The following SLC38A12 variants were observed in gnomAD, a reference collection of about 807,000 sequenced individuals.
SLC38A12 encodes putative sodium-coupled neutral amino acid transporter 12.
chr17:74,794,982 C>A, the SLC38A12 span: 2 of 1,573,704 alleles, frequency 1.3e-6, no homozygotes, highest in African/African-American at 1.4e-5. Flanking sequence ...CTCTTTGTGG[C>A]TCCCTGACTG....
At chr17:74,834,667 G>A in the SLC38A12 span, among the ~76,000 whole-genome samples, 1 of 152,206 alleles carries the variant, frequency 6.6e-6, no homozygotes, top group South Asian at 2.1e-4. Context: ...CCAGACAGGA[G>A]CCACCGAGCT....
the SLC38A12 span, among the ~76,000 whole-genome samples, chr17:74,830,533 G>A: frequency 6.6e-6 from 1 of 152,318 alleles, no homozygotes; most frequent in Admixed American, 6.5e-5. Context: ...TGAGGACTCG[G>A]ATGTTATAAG....
chr17:74,788,214 T>C, the SLC38A12 span, among the ~76,000 whole-genome samples: 2 of 152,250 alleles, frequency 1.3e-5, no homozygotes, highest in South Asian at 4.1e-4. Flanking sequence ...TGCAAACTTA[T>C]TTTAATATTA....
chr17:74,811,583 T>C, the SLC38A12 span, among the ~76,000 whole-genome samples: 7 of 151,676 alleles, frequency 4.6e-5, no homozygotes, highest in African/African-American at 1.5e-4. Context: ...TAGCAAAGCG[T>C]GGTGGCATAT....
chr17:74,804,312 C>A, the SLC38A12 span, among the ~76,000 whole-genome samples: 1 of 152,254 alleles, frequency 6.6e-6, no homozygotes, highest in Non-Finnish European at 1.5e-5. Context: ...TCCCAGCCAG[C>A]GGTGCTGGCC....
chr17:74,790,183 A>G, the SLC38A12 span: 4 of 1,601,254 alleles, frequency 2.5e-6, no homozygotes, highest in East Asian at 2.2e-5. Context: ...CTCCTCGTCC[A>G]TCCTACTGGC....
At chr17:74,829,527 C>A in the SLC38A12 span, among the ~76,000 whole-genome samples, 1 of 152,328 alleles carries the variant, frequency 6.6e-6, no homozygotes, top group Admixed American at 6.5e-5. This position sits in a 1 kb window ranked among gnomAD's most constrained non-coding sequence, Gnocchi z 4.1. Context: ...CGGTGCTTCT[C>A]TGTCAGAGCC....
chr17:74,819,725 CCTCA>C, the SLC38A12 span: 1 of 1,610,974 alleles, frequency 6.2e-7, no homozygotes, highest in East Asian at 2.2e-5. Flanking sequence ...CCTGCACCCT[CCTCA>C]CTCTTGTTTC....
chr17:74,802,955 A>T, the SLC38A12 span, among the ~76,000 whole-genome samples: 1 of 152,080 alleles, frequency 6.6e-6, no homozygotes, highest in Non-Finnish European at 1.5e-5. Context: ...CCATTCACCA[A>T]TTCCCCCAGG....
chr17:74,792,296 T>C, the SLC38A12 span, among the ~76,000 whole-genome samples: 2 of 151,752 alleles, frequency 1.3e-5, no homozygotes, highest in African/African-American at 4.8e-5. Context: ...AGTAAAAATA[T>C]GAAAATTAGC....
chr17:74,823,934 C>T, the SLC38A12 span, among the ~76,000 whole-genome samples: 6 of 152,368 alleles, frequency 3.9e-5, no homozygotes, highest in East Asian at 3.9e-4. Flanking sequence ...TGAATGGGGC[C>T]GTGTTGTTAG....
the SLC38A12 span, among the ~76,000 whole-genome samples, chr17:74,822,237 C>T: frequency 7.9e-5 from 12 of 152,332 alleles, no homozygotes; most frequent in South Asian, 8.3e-4. Context: ...TCCTGGAAGG[C>T]GTCTGGGGAC....
the SLC38A12 span, chr17:74,839,338 G>A: frequency 6.1e-6 from 4 of 652,850 alleles, no homozygotes; most frequent in Admixed American, 6.5e-5. Context: ...GAGGACAGGG[G>A]CTGCTGCCCC....
chr17:74,785,595 C>T, the SLC38A12 span: 1 of 1,613,634 alleles, frequency 6.2e-7, no homozygotes. Context: ...TGTTCCTGGG[C>T]TTCATGAGGT....
At chr17:74,820,533 A>G in the SLC38A12 span, among the ~76,000 whole-genome samples, 6 of 152,204 alleles carry the variant, frequency 3.9e-5, no homozygotes, top group East Asian at 1.2e-3. Context: ...ACCTGGACGG[A>G]GGACAGGAGC....
the SLC38A12 span, among the ~76,000 whole-genome samples, chr17:74,831,115 T>G: frequency 6.6e-6 from 1 of 152,028 alleles, no homozygotes; most frequent in Admixed American, 6.5e-5. Flanking sequence ...GACACCTGCT[T>G]CCCCTCTGGG....
At chr17:74,821,436 A>G in the SLC38A12 span, among the ~76,000 whole-genome samples, 1 of 152,200 alleles carries the variant, frequency 6.6e-6, no homozygotes, top group East Asian at 1.9e-4. Flanking sequence ...CCCCAGGTTA[A>G]ATTAACGTGA....
At chr17:74,817,692 T>C in the SLC38A12 span, among the ~76,000 whole-genome samples, 1 of 152,158 alleles carries the variant, frequency 6.6e-6, no homozygotes, top group African/African-American at 2.4e-5. Flanking sequence ...GGAACAGAGA[T>C]GGACAGGGCC....
At chr17:74,836,018 G>A in the SLC38A12 span, 2 of 1,611,270 alleles carry the variant, frequency 1.2e-6, no homozygotes, top group East Asian at 4.5e-5. The surrounding 1 kb of genome is among the most constrained non-coding windows in gnomAD (Gnocchi z 4.2). Flanking sequence ...CGGGGGTCCG[G>A]AACCTGTTTG....
Sources: gnomAD v4.1 joint callset for allele counts (sites outside exome capture counted in the v4.1 genomes callset) on GRCh38, gnomAD v4.1.1 for gene constraint, Gnocchi (gnomAD v3.1) non-coding constraint, MANE v1.5 for transcripts, NCBI Gene and HGNC (gene_info 2026-07-23, HGNC 2026-07-21) for gene names.